AR: variants seen among roughly 807,000 people sequenced by gnomAD.
AR encodes androgen receptor.
In AR, 8 loss-of-function variants were observed where a neutral mutation model predicts 53.9. The ratio of observed to expected loss-of-function variants is 0.15; its 90% CI spans 0.09 to 0.27. The LOEUF is 0.27. AR is among the 10% of genes least tolerant of loss of function. AR has a pLI of 1.00. For missense variants in AR, 639 were observed against 742.5 expected (o/e 0.86, Z 1.62); for synonymous variants, 359 against 316.4 (o/e 1.13, Z -1.43).
Position 67,616,431 on chromosome X carries a change from G to A in AR, c.1617-26825G>A, listed in dbSNP as rs1043647652. Reference sequence around the variant, plus strand: ...TTCTCATTGTTCAACTCCCACTTATGAGTGAGAACATGCGGTGTTTCGTTT... The same window carrying A: ...TTCTCATTGTTCAACTCCCACTTATAAGTGAGAACATGCGGTGTTTCGTTT... On this transcript the variant is annotated intron_variant, in intron 1 of 7. Transcript: ENST00000374690. 3.6e-5 allele frequency among the ~76,000 whole-genome samples: 4 copies of A among 110,109 alleles called. No homozygotes were observed. In the Admixed American group the frequency reaches 3.9e-4, roughly 11 times the overall value.
chrX:67,710,328 TA>T (rs1308932300), intron 3 of AR, among the ~76,000 whole-genome samples: 2 of 111,363 alleles, frequency 1.8e-5, no homozygotes, highest in Admixed American at 1.9e-4. Flanking sequence ...CTTTTATTTT[TA>T]TTTTTTTAGA....
chrX:67,723,353 TCAGA>T (rs2076144840), intron 7 of AR, among the ~76,000 whole-genome samples: 1 of 95,049 alleles, frequency 1.1e-5, no homozygotes, highest in African/African-American at 4.4e-5. Flanking sequence ...TGTGTGTGTG[TCAGA>T]GAGAGAGAGA....
At position 67,658,314 on chromosome X, in the gene AR, G is replaced by A. The variant is rs1272009490; in HGVS notation, c.1768+14907G>A. On this transcript the variant is annotated intron_variant, in intron 2 of 7. Coordinates refer to ENST00000374690, the MANE Select transcript of AR (RefSeq NM_000044.6). ...GCCAGAGGTCAAATGAAAGCATTGAGTATTTGTTTAGATGAAAGAACAGAA... is the reference window on the plus strand; with the variant it reads ...GCCAGAGGTCAAATGAAAGCATTGAATATTTGTTTAGATGAAAGAACAGAA... 2.7e-5 allele frequency among the ~76,000 whole-genome samples: 3 copies of A among 112,230 alleles called. No homozygotes were observed. In the East Asian group the frequency reaches 8.5e-4, roughly 32 times the overall value.
intron 1 of AR, among the ~76,000 whole-genome samples, chrX:67,558,403 C>T (rs902553487): frequency 8.9e-6 from 1 of 111,884 alleles, no homozygotes. Flanking sequence ...TAGGAAGTAG[C>T]AGAACTTGTG....
rs746853821 is a variant in AR at position 67,546,514 on chromosome X, T to TGGCGGCGGCGGCGGCGGCGGCGGC, written c.1397_1420dup (p.Gly466_Gly473dup). ...GACCGTGTGGTGGTGGTGGGGGTGG[T>TGGCGGCGGCGGCGGCGGCGGCGGC]GGCGGCGGCGGCGGCGGCGGCGGCG... On this transcript the variant is annotated inframe_insertion, in exon 1 of 8. Coordinates refer to ENST00000374690, the MANE Select transcript of AR (RefSeq NM_000044.6). The TGGCGGCGGCGGCGGCGGCGGCGGC allele has an allele frequency of 2.0e-5, 10 of 509,502 alleles. No homozygotes were observed. The highest frequency in any genetic ancestry group is 6.6e-5 in the East Asian group (1 of 15,044). The allele number at this position is 509,502 out of a possible 1,213,427, so 42.0% of individuals were successfully genotyped here.
intron 1 of AR, among the ~76,000 whole-genome samples, chrX:67,565,761 C>T (rs993767202): frequency 7.2e-5 from 8 of 111,456 alleles, no homozygotes; most frequent in Non-Finnish European, 1.1e-4. Flanking sequence ...GGCAAGGTCT[C>T]GTCTCACTGC....
chrX:67,695,436 C>T, intron 3 of AR: 3 of 754,128 alleles, frequency 4.0e-6, no homozygotes, highest in Non-Finnish European at 4.7e-6. Flanking sequence ...CCTCTTACAT[C>T]TAGCCTTACT....
chrX:67,645,954 A>T (rs1926037868), intron 2 of AR, among the ~76,000 whole-genome samples: 2 of 111,273 alleles, frequency 1.8e-5, no homozygotes, highest in African/African-American at 6.5e-5. Flanking sequence ...GCCTTTCTGG[A>T]GGTGGTTTTC....
intron 1 of AR, among the ~76,000 whole-genome samples, chrX:67,556,286 T>C (rs1412228613): frequency 8.9e-6 from 1 of 112,016 alleles, no homozygotes; most frequent in Non-Finnish European, 1.9e-5. Flanking sequence ...CTCCAGATCA[T>C]GTGTTCCCTG....
chrX:67,665,979 T>C (rs1927242819), intron 2 of AR, among the ~76,000 whole-genome samples: 1 of 111,658 alleles, frequency 9.0e-6, no homozygotes, highest in African/African-American at 3.3e-5. Context: ...CTGAGGCATT[T>C]TGATACAAGC....
At chrX:67,562,176 C>A (rs1022227033) in intron 1 of AR, among the ~76,000 whole-genome samples, 23 of 108,748 alleles carry the variant, frequency 2.1e-4, no homozygotes, top group Non-Finnish European at 3.1e-4. Flanking sequence ...GTTGGCCAAG[C>A]TGGTCTCAAA....
intron 1 of AR, among the ~76,000 whole-genome samples, chrX:67,572,743 A>G (rs895091824): frequency 2.7e-5 from 3 of 111,211 alleles, no homozygotes; most frequent in Admixed American, 9.6e-5. Flanking sequence ...AAGCCTTGAG[A>G]TTACTTCTTT....
intron 1 of AR, among the ~76,000 whole-genome samples, chrX:67,563,706 T>G (rs1456961701): frequency 8.9e-6 from 1 of 112,076 alleles, no homozygotes; most frequent in Non-Finnish European, 1.9e-5. Context: ...GTTATTAAGT[T>G]ACTTCCCTCA....
At chrX:67,699,882 G>A (rs1262473139) in intron 3 of AR, among the ~76,000 whole-genome samples, 1 of 111,269 alleles carries the variant, frequency 9.0e-6, no homozygotes, top group East Asian at 2.8e-4. Context: ...CCAGGAGTGA[G>A]ACTGGAACAG....
chrX:67,724,019 C>T lies in AR; in HGVS notation c.*178C>T. On this transcript the variant is annotated 3_prime_UTR_variant, in exon 8 of 8. Transcript: ENST00000374690. ...CTGGGCTTTTTTTTTCTCTTTCTCT[C>T]CTTTCTTTTTCTTCTTCCCTCCCTA... The T allele has an allele frequency of 1.6e-6, 1 of 616,340 alleles. No homozygotes were observed. Among genetic ancestry groups the T allele is most frequent in the Non-Finnish European group, 2.4e-6 (1 of 412,225 alleles). The allele number at this position is 616,340 out of a possible 1,213,427, so 50.8% of individuals were successfully genotyped here.
chrX:67,623,080 G>A (rs987372782), intron 1 of AR, among the ~76,000 whole-genome samples: 1 of 111,329 alleles, frequency 9.0e-6, no homozygotes, highest in Non-Finnish European at 1.9e-5. Flanking sequence ...GGACTAGTGT[G>A]TGTATATAAG....
chrX:67,710,249 G>A (rs930296548), intron 3 of AR, among the ~76,000 whole-genome samples: 1 of 111,806 alleles, frequency 8.9e-6, no homozygotes, highest in Non-Finnish European at 1.9e-5. Context: ...ATAGACACAT[G>A]TACATCACTC....
At chrX:67,557,217 T>A (rs1395440761) in intron 1 of AR, among the ~76,000 whole-genome samples, 1 of 110,800 alleles carries the variant, frequency 9.0e-6, no homozygotes, top group Non-Finnish European at 1.9e-5. Context: ...ACTAAGGTGG[T>A]ATTGGTGGAG....
rs996763058 is a variant in AR at position 67,725,963 on chromosome X, G to A, written c.*2122G>A. ...ATCTTGGCCTCTGCCTCCTTACTTA[G>A]CTCTTAATCTCATCTGTTGAACTCA... On this transcript the variant is annotated 3_prime_UTR_variant, in exon 8 of 8. Coordinates refer to ENST00000374690, the MANE Select transcript of AR (RefSeq NM_000044.6). 4 of 174,219 alleles carry A rather than the reference G, an allele frequency of 2.3e-5. No homozygotes were observed. The highest frequency in any genetic ancestry group is 8.9e-5 in the African/African-American group (3 of 33,879). 14.4% of individuals were successfully genotyped at this position (174,219 alleles called of 1,213,427 possible).
Sources: gnomAD v4.1 joint callset for allele counts (sites outside exome capture counted in the v4.1 genomes callset) on GRCh38, gnomAD v4.1.1 for gene constraint, MANE v1.5 for transcripts, NCBI Gene and HGNC (gene_info 2026-07-23, HGNC 2026-07-21) for gene names.